The following PRKN variants were observed in gnomAD, a reference collection of about 807,000 sequenced individuals.
PRKN encodes parkin RBR E3 ubiquitin protein ligase.
A neutral mutation model predicts 59.5 loss-of-function variants in PRKN; 56 were observed. The ratio of observed to expected loss-of-function variants is 0.94; its 90% confidence interval spans 0.76 to 1.18. The LOEUF (loss-of-function observed/expected upper bound fraction) is 1.18, where lower values mean the gene tolerates loss of function less well. PRKN is among the 50% of genes most tolerant of loss of function. The pLI is 0.00. For missense variants in PRKN, 657 were observed against 596.4 expected, an observed-to-expected ratio of 1.10 and a Z score of -1.06; for synonymous variants, 250 against 222.1, an observed-to-expected ratio of 1.13 and a Z score of -1.12.
chr6:161,484,037 A>G lies in PRKN; in HGVS notation c.1083+64817T>C, dbSNP rs1362472241. Among the ~76,000 whole-genome samples, 3 of 152,004 alleles carry G rather than the reference A, an allele frequency of 2.0e-5. No homozygotes were observed. Among genetic ancestry groups the G allele is most frequent in the African/African-American group, 7.3e-5 (3 of 41,360 alleles). On this transcript the variant is annotated intron_variant, in intron 9 of 11. Coordinates refer to ENST00000366898, the MANE Select transcript of PRKN (RefSeq NM_004562.3). The surrounding 1 kb of genome is among the most constrained non-coding windows in gnomAD (Gnocchi z 4.9). Reference sequence around the variant, plus strand: ...TGGGGCCTGCTGGGGGGTTGTGGGGAGGGAGAGCATCAGGAAGAATACCTA... The same window carrying G: ...TGGGGCCTGCTGGGGGGTTGTGGGGGGGGAGAGCATCAGGAAGAATACCTA...
chr6:162,508,232 T>A (rs996392963), intron 1 of PRKN, among the ~76,000 whole-genome samples: 2 of 152,146 alleles, frequency 1.3e-5, no homozygotes, highest in Non-Finnish European at 2.9e-5. Flanking sequence ...GAGAACAGTA[T>A]GGGGGAAACT....
intron 2 of PRKN, among the ~76,000 whole-genome samples, chr6:162,356,250 C>A (rs1784850581): frequency 6.6e-6 from 1 of 152,112 alleles, no homozygotes; most frequent in Non-Finnish European, 1.5e-5. Flanking sequence ...GTTCTTGCAG[C>A]TTTAATCTTC....
intron 2 of PRKN, among the ~76,000 whole-genome samples, chr6:162,430,584 C>CATATATATATAT (rs147788688): frequency 2.0e-5 from 3 of 149,990 alleles, no homozygotes; most frequent in African/African-American, 7.3e-5. Flanking sequence ...AACTGGCTTA[C>CATATATATATAT]ATATATATAT....
At chr6:162,094,148 C>T (rs796536801) in intron 4 of PRKN, among the ~76,000 whole-genome samples, 1 of 152,082 alleles carries the variant, frequency 6.6e-6, no homozygotes, top group African/African-American at 2.4e-5. Context: ...AATCAAGAAC[C>T]AACAAGCAGC....
rs1275911543 is a variant in PRKN, at chr6:161,407,235, G to C, written c.1084-20358C>G. Reference sequence around the variant, plus strand: ...ATAACTGCTAAGAGAGATGTTAATGGTAATTAATCATGAGTGAGTCATAAA... The same window carrying C: ...ATAACTGCTAAGAGAGATGTTAATGCTAATTAATCATGAGTGAGTCATAAA... On this transcript the variant is annotated intron_variant, in intron 9 of 11. Coordinates refer to ENST00000366898, the MANE Select transcript of PRKN (RefSeq NM_004562.3). The surrounding 1 kb of genome is among the most constrained non-coding windows in gnomAD (Gnocchi z 4.9). 3.3e-5 allele frequency among the ~76,000 whole-genome samples: 5 copies of C among 151,996 alleles called. No homozygotes were observed. The highest frequency in any genetic ancestry group is 1.2e-4 in the African/African-American group (5 of 41,350).
chr6:161,884,764 T>C (rs1037258146), intron 6 of PRKN, among the ~76,000 whole-genome samples: 2 of 152,156 alleles, frequency 1.3e-5, no homozygotes, highest in Non-Finnish European at 2.9e-5. Context: ...TCTAGACGGG[T>C]TATCCATGTG....
intron 7 of PRKN, among the ~76,000 whole-genome samples, chr6:161,735,916 G>GA (rs1440248527): frequency 6.6e-5 from 10 of 150,384 alleles, no homozygotes; most frequent in Admixed American, 4.0e-4. Context: ...CTCTGTCTCA[G>GA]AAAAAACAAA....
At chr6:162,507,861 A>C (rs1396496936) in intron 1 of PRKN, among the ~76,000 whole-genome samples, 2 of 152,184 alleles carry the variant, frequency 1.3e-5, no homozygotes, top group Non-Finnish European at 2.9e-5. Flanking sequence ...TACTGGATGG[A>C]TTACCGAATA....
chr6:162,340,791 G>GTT (rs969723253), intron 2 of PRKN, among the ~76,000 whole-genome samples: 8 of 151,786 alleles, frequency 5.3e-5, no homozygotes, highest in Non-Finnish European at 1.5e-5. Flanking sequence ...AGACCTAAAC[G>GTT]TTAAGACCTA....
chr6:162,516,096 G>T (rs1038707169), intron 1 of PRKN, among the ~76,000 whole-genome samples: 2 of 152,216 alleles, frequency 1.3e-5, no homozygotes, highest in Non-Finnish European at 2.9e-5. Context: ...CCAGTCGCCA[G>T]TTCCGTCTTT....
chr6:162,399,620 T>C (rs890120005), intron 2 of PRKN, among the ~76,000 whole-genome samples: 4 of 151,408 alleles, frequency 2.6e-5, no homozygotes, highest in Non-Finnish European at 5.9e-5. Flanking sequence ...GACTAAGAAA[T>C]CTCATCAGAA....
chr6:161,432,532 A>ATTTTTTTTTTTTTTTTTTT (rs767620173), intron 9 of PRKN, among the ~76,000 whole-genome samples: 1 of 125,494 alleles, frequency 8.0e-6, no homozygotes, highest in Non-Finnish European at 1.7e-5. Context: ...TGCCCAGCTA[A>ATTTTTTTTTTTTTTTTTTT]TTTTTTTTTT....
intron 4 of PRKN, among the ~76,000 whole-genome samples, chr6:162,180,398 T>C (rs998002453): frequency 2.6e-5 from 4 of 152,186 alleles, no homozygotes; most frequent in Non-Finnish European, 5.9e-5. Flanking sequence ...AAACACATCA[T>C]GTACCACAGA....
intron 6 of PRKN, among the ~76,000 whole-genome samples, chr6:161,830,146 A>AT (rs1219384999): frequency 3.3e-5 from 5 of 152,068 alleles, no homozygotes; most frequent in African/African-American, 1.2e-4. Flanking sequence ...GCCCAAAACC[A>AT]TGCCCCACAG....
intron 8 of PRKN, among the ~76,000 whole-genome samples, chr6:161,557,966 G>A (rs1478037554): frequency 1.3e-5 from 2 of 152,050 alleles, no homozygotes; most frequent in Non-Finnish European, 2.9e-5. Context: ...AAAGCACTTC[G>A]GGGACTCCCT....
At chr6:161,904,308 G>GT (rs770741689) in intron 6 of PRKN, among the ~76,000 whole-genome samples, 3,754 of 114,116 alleles carry the variant, frequency 0.033, 155 homozygotes, top group Non-Finnish European at 0.047. Context: ...GAATTTGTGG[G>GT]GTTTTTTTTT....
chr6:162,374,266 G>A (rs568821897), intron 2 of PRKN, among the ~76,000 whole-genome samples: 2 of 152,228 alleles, frequency 1.3e-5, no homozygotes, highest in African/African-American at 2.4e-5. Context: ...GGAAGTAGTT[G>A]GATAGTGGGT....
chr6:162,603,095 G>A (rs1244225457), intron 1 of PRKN, among the ~76,000 whole-genome samples: 3 of 152,110 alleles, frequency 2.0e-5, no homozygotes, highest in African/African-American at 7.2e-5. Context: ...TGGTTCGTGG[G>A]GTGTTTCTTA....
chr6:161,521,234 C>A (rs1470384789), intron 9 of PRKN, among the ~76,000 whole-genome samples: 1 of 152,050 alleles, frequency 6.6e-6, no homozygotes, highest in Admixed American at 6.5e-5. Context: ...AAACAGTGAC[C>A]ATATATGAGC....
Sources: gnomAD v4.1 joint callset for allele counts (sites outside exome capture counted in the v4.1 genomes callset) on GRCh38, gnomAD v4.1.1 for gene constraint, Gnocchi (gnomAD v3.1) non-coding constraint, MANE v1.5 for transcripts, NCBI Gene and HGNC (gene_info 2026-07-23, HGNC 2026-07-21) for gene names.